PABIR3: variants seen among roughly 807,000 people sequenced by gnomAD.
PABIR3 encodes the protein PABIR family member 1.
PABIR3 carries 20 observed loss-of-function variants against 23.1 expected under a neutral mutation model. The ratio of observed to expected loss-of-function variants is 0.86; its 90% CI spans 0.61 to 1.26. The LOEUF is 1.26. PABIR3 is among the 50% of genes most tolerant of loss of function. The pLI, the probability that PABIR3 is intolerant of heterozygous loss-of-function variation, is 0.00. For missense variants in PABIR3, 189 were observed against 195.4 expected (o/e 0.97, Z 0.20); for synonymous variants, 69 against 68.5 (o/e 1.01, Z -0.04).
downstream of PABIR3, among the ~76,000 whole-genome samples, chrX:134,855,819 G>A (rs2082746838): frequency 9.0e-6 from 1 of 111,660 alleles, no homozygotes; most frequent in Non-Finnish European, 1.9e-5. Flanking sequence ...ACTGGGACAG[G>A]ATTCTATAAA....
upstream of PABIR3, chrX:134,803,951 T>C (rs910290251): frequency 1.7e-5 from 3 of 177,347 alleles, no homozygotes; most frequent in Non-Finnish European, 3.1e-5. Context: ...TTGGGAAGGT[T>C]TGGGGTGTTT....
chrX:134,839,779 G>C (rs1295843301), intron 4 of PABIR3, among the ~76,000 whole-genome samples: 6 of 110,285 alleles, frequency 5.4e-5, no homozygotes, highest in Non-Finnish European at 1.1e-4. Context: ...TCGTCCGGGA[G>C]GTGAGGGGCG....
At position 134,807,341 on chromosome X, in the gene PABIR3, G is replaced by A; in HGVS notation, c.-60G>A. 2 of 957,066 alleles carry A rather than the reference G, an allele frequency of 2.1e-6. No individual in the cohort carries two copies. The highest frequency in any genetic ancestry group is 1.3e-6 in the Non-Finnish European group (1 of 766,567). 78.9% of individuals were successfully genotyped at this position (957,066 alleles called of 1,213,427 possible). ...TCCCCAGTTACATTATAGACTTGGAGGTGGGGGATCTTCTCATCGTTAGAG... is the reference window on the plus strand; with the variant it reads ...TCCCCAGTTACATTATAGACTTGGAAGTGGGGGATCTTCTCATCGTTAGAG... On this transcript the variant is annotated splice_region_variant and 5_prime_UTR_variant, in exon 1 of 11. Coordinates refer to ENST00000645433, the MANE Select transcript of PABIR3 (RefSeq NM_001388447.1).
chrX:134,825,047 G>A (rs930285390), intron 3 of PABIR3, among the ~76,000 whole-genome samples: 3 of 111,684 alleles, frequency 2.7e-5, no homozygotes, highest in Non-Finnish European at 5.6e-5. Context: ...AGGGATGTTG[G>A]TAGTGGGAGA....
chrX:134,848,034 A>AGGAATTATAGAAACCTAAAT (rs2082493281), intron 8 of PABIR3, 63 bp downstream of exon 8: 15 of 913,324 alleles, frequency 1.6e-5, no homozygotes, highest in Non-Finnish European at 2.1e-5. Flanking sequence ...GAAACCTAAA[A>AGGAATTATAGAAACCTAAAT]GAAATTATAG....
chrX:134,831,447 A>G (rs960361622), intron 4 of PABIR3, among the ~76,000 whole-genome samples: 1 of 111,642 alleles, frequency 9.0e-6, no homozygotes, highest in African/African-American at 3.3e-5. Context: ...AGTGCAAAAC[A>G]GAAATGTCTG....
At chrX:134,811,068 A>T in intron 2 of PABIR3, 1 of 754,012 alleles carries the variant, frequency 1.3e-6, no homozygotes. Context: ...TTGCAGAATT[A>T]AATTCCTTAG....
chrX:134,799,407 G>A (rs2080000760), intron 1 of PABIR3, among the ~76,000 whole-genome samples: 2 of 112,516 alleles, frequency 1.8e-5, no homozygotes. Flanking sequence ...ATTAAGACCA[G>A]ATTAATATCT....
At position 134,847,842 on chromosome X, in the gene PABIR3, A is replaced by C. The variant is rs766424650; in HGVS notation, c.439-41A>C. ...GAAACCAATGATCTGCTTTCCGAGA[A>C]AAGTGGCGGTTTTAAAACCTCTGTT... On this transcript the variant is annotated intron_variant, in intron 7 of 10. Coordinates refer to ENST00000645433, the MANE Select transcript of PABIR3 (RefSeq NM_001388447.1). 9.3e-6 allele frequency: 10 copies of C among 1,078,844 alleles called. No homozygotes were observed. The South Asian group carries it at 2.0e-4, about 21-fold the overall frequency. The allele number at this position is 1,078,844 out of a possible 1,213,427, so 88.9% of individuals were successfully genotyped here.
chrX:134,824,661 G>A (rs1401639446), intron 3 of PABIR3, among the ~76,000 whole-genome samples: 5 of 110,724 alleles, frequency 4.5e-5, no homozygotes, highest in East Asian at 2.8e-4. Flanking sequence ...TTAGCCGGGC[G>A]TGGTGGCGCA....
At chrX:134,822,492 T>G (rs1262524340) in intron 3 of PABIR3, 1 of 751,778 alleles carries the variant, frequency 1.3e-6, no homozygotes, top group Non-Finnish European at 1.6e-6. Flanking sequence ...CCTCAGACAT[T>G]TCACACTATC....
At chrX:134,851,130 G>A (rs1004924160) in intron 9 of PABIR3, among the ~76,000 whole-genome samples, 3 of 110,765 alleles carry the variant, frequency 2.7e-5, no homozygotes, top group Non-Finnish European at 5.7e-5. Context: ...GCAGGGGGCG[G>A]GGGGAACTAA....
intron 3 of PABIR3, among the ~76,000 whole-genome samples, chrX:134,815,838 C>G (rs1203486798): frequency 9.1e-6 from 1 of 109,980 alleles, no homozygotes; most frequent in African/African-American, 3.3e-5. Flanking sequence ...ACCACCATGC[C>G]CAGCTAATTT....
At chrX:134,822,243 A>G (rs1174999309) in intron 3 of PABIR3, 1 of 748,687 alleles carries the variant, frequency 1.3e-6, no homozygotes, top group African/African-American at 2.3e-5. Flanking sequence ...CAGTGAAGTC[A>G]TTATTTCTAT....
At chrX:134,804,177 C>T (rs758603819), upstream of PABIR3, 90 of 1,139,152 alleles carry the variant, frequency 7.9e-5, no homozygotes, top group Non-Finnish European at 1.0e-4. Context: ...CTAGATCTAA[C>T]AAAAGCAGTG....
At chrX:134,829,377 G>A in intron 4 of PABIR3, 95 bp downstream of exon 4, 4 of 687,477 alleles carry the variant, frequency 5.8e-6, no homozygotes, top group Non-Finnish European at 8.7e-6. Context: ...TTCTAAGTGA[G>A]GTCACGTGTA....
At chrX:134,816,310 T>G (rs909288714) in intron 3 of PABIR3, among the ~76,000 whole-genome samples, 1 of 112,241 alleles carries the variant, frequency 8.9e-6, no homozygotes, top group African/African-American at 3.2e-5. Flanking sequence ...TCTTGTTTTT[T>G]GTTTGTTTGT....
intron 4 of PABIR3, among the ~76,000 whole-genome samples, chrX:134,833,324 C>T (rs994369183): frequency 9.0e-6 from 1 of 110,790 alleles, no homozygotes; most frequent in Non-Finnish European, 1.9e-5. Context: ...TCTGACATAT[C>T]TTTTTACCCA....
At chrX:134,815,784 A>G (rs1235416482) in intron 3 of PABIR3, among the ~76,000 whole-genome samples, 1 of 108,364 alleles carries the variant, frequency 9.2e-6, no homozygotes, top group African/African-American at 3.4e-5. Context: ...GGTTCAAGCT[A>G]TTCTTCTGGT....
Sources: gnomAD v4.1 joint callset for allele counts (sites outside exome capture counted in the v4.1 genomes callset) on GRCh38, gnomAD v4.1.1 for gene constraint, MANE v1.5 for transcripts, NCBI Gene and HGNC (gene_info 2026-07-23, HGNC 2026-07-21) for gene names.